The following LIG1 variants were observed in gnomAD, a reference collection of about 807,000 sequenced individuals.
LIG1 encodes the protein ligase I, DNA, ATP-dependent.
A neutral mutation model predicts 115.7 loss-of-function variants in LIG1; 70 were observed. The ratio of observed to expected loss-of-function variants is 0.60; its 90% CI spans 0.50 to 0.74. The LOEUF is 0.74. LIG1 is among the 30% of genes least tolerant of loss of function. The probability of loss-of-function intolerance (pLI) is 0.00; values close to 1 mark genes in which losing one functional copy is unlikely to be tolerated. For synonymous variants in LIG1, 487 were observed against 495.3 expected, an observed-to-expected ratio of 0.98 and a Z score of 0.22; for missense variants, 1,115 against 1,225.6, an observed-to-expected ratio of 0.91 and a Z score of 1.35.
chr19:48,136,978 C>T (rs1220152048), intron 14 of LIG1, 30 bp downstream of exon 14: 2 of 1,580,468 alleles, frequency 1.3e-6, no homozygotes, highest in Non-Finnish European at 1.7e-6. Flanking sequence ...TGCAGTCCCC[C>T]TCTGTAGCCT....
intron 5 of LIG1, among the ~76,000 whole-genome samples, chr19:48,155,928 C>A (rs2035802041): frequency 6.6e-6 from 1 of 152,186 alleles, no homozygotes; most frequent in Non-Finnish European, 1.5e-5. Context: ...CTGAAAGGAT[C>A]TAACATGAAA....
intron 21 of LIG1, among the ~76,000 whole-genome samples, chr19:48,126,238 C>T (rs557118191): frequency 1.3e-5 from 2 of 152,240 alleles, no homozygotes; most frequent in African/African-American, 2.4e-5. Context: ...GGCATGTGGC[C>T]TGGCTCCAGA....
At chr19:48,145,164 C>A (rs1172762293) in intron 9 of LIG1, among the ~76,000 whole-genome samples, 1 of 152,118 alleles carries the variant, frequency 6.6e-6, no homozygotes, top group East Asian at 1.9e-4. Context: ...CTCCCAAAGT[C>A]CTGGGATTAT....
chr19:48,131,625 A>T (rs1448515983), intron 18 of LIG1, among the ~76,000 whole-genome samples: 2 of 151,630 alleles, frequency 1.3e-5, no homozygotes, highest in Non-Finnish European at 2.9e-5. Flanking sequence ...CACCTGGCTA[A>T]TTTTTGTATT....
chr19:48,115,755 G>T, intron 27 of LIG1, 23 bp from the exon 28 acceptor site: 1 of 1,605,340 alleles, frequency 6.2e-7, no homozygotes, highest in Non-Finnish European at 8.5e-7. Context: ...GGTGGGACGG[G>T]GTGGTCAGAA....
chr19:48,149,764 C>T lies in LIG1; in HGVS notation c.775G>A (p.Gly259Arg), dbSNP rs377631588. 9.3e-6 allele frequency: 15 copies of T among 1,613,354 alleles called. No individual in the cohort carries two copies. The highest frequency in any genetic ancestry group is 1.2e-5 in the Non-Finnish European group (14 of 1,179,380). ...TTCCAGACCTGGACACTGACTCACC[C>T]CTCAGCAGCTCCCTCCTTTCCTGGA... ...GAPGKEGAAE[G>R]PLDPSGYNPA... Residue 259 changes from glycine to arginine, a missense_variant and splice_region_variant, in exon 9 of 28, where the codon GGA becomes AGA. By Grantham distance (125) the Gly-to-Arg change is moderately radical (BLOSUM62 -2). Coordinates refer to ENST00000263274, the MANE Select transcript of LIG1 (RefSeq NM_000234.3).
In LIG1 at chr19:48,122,359, G is replaced by A. The variant is rs1232605887; in HGVS notation, c.2232+575C>T. 2.4e-5 allele frequency: 4 copies of A among 163,990 alleles called. No homozygotes were observed. The highest frequency in any genetic ancestry group is 5.4e-5 in the Non-Finnish European group (4 of 74,516). The allele number at this position is 163,990 out of a possible 1,614,324, so 10.2% of individuals were successfully genotyped here. A position where few individuals can be genotyped will look rare whatever the true frequency, so the allele number is the denominator to read the frequency against. On this transcript the variant is annotated intron_variant, in intron 23 of 27. Transcript: ENST00000263274. This position sits in a 1 kb window ranked among gnomAD's most constrained non-coding sequence, Gnocchi z 4.3. ...GAAGATCCAGTTTTATCTCACAGTG[G>A]CCCCAGGTGCTGCCTCATCTGGGGC...
rs571477912 is a variant in LIG1, at chr19:48,157,351, T to C, written c.244-211A>G. Among the ~76,000 whole-genome samples, 3 of 152,154 alleles carry C rather than the reference T, an allele frequency of 2.0e-5. No individual in the cohort carries two copies. The South Asian group carries it at 6.2e-4, about 32-fold the overall frequency. ...TGGTCCCATCAAGGACCCCCATAGC[T>C]CTTCTGTTTTCTACAGTAACAGAAT... On this transcript the variant is annotated intron_variant, in intron 4 of 27. Coordinates refer to ENST00000263274, the MANE Select transcript of LIG1 (RefSeq NM_000234.3).
chr19:48,139,948 C>A (rs1461076692), intron 12 of LIG1, 23 bp downstream of exon 12: 1 of 1,613,480 alleles, frequency 6.2e-7, no homozygotes, highest in African/African-American at 1.3e-5. Context: ...CCTTCTGGTC[C>A]CTCCAACCAC....
In LIG1 at chr19:48,143,525, G is replaced by A; in HGVS notation, c.914+18C>T. 2 of 1,480,266 alleles carry A rather than the reference G, an allele frequency of 1.4e-6. No individual in the cohort carries two copies. Among genetic ancestry groups the A allele is most frequent in the Non-Finnish European group, 1.9e-6 (2 of 1,073,802 alleles). The allele number at this position is 1,480,266 out of a possible 1,614,324, so 91.7% of individuals were successfully genotyped here. ...AGAAGCGACCCCGCCCCCCACCCAG[G>A]CAGTCCTCATTAGTTACCGAGCAGA... is the stretch of plus-strand genomic sequence containing the variant. On this transcript the variant is annotated intron_variant, in intron 11 of 27. Transcript: ENST00000263274.
At chr19:48,148,192 G>A (rs1431598322) in intron 9 of LIG1, among the ~76,000 whole-genome samples, 2 of 152,070 alleles carry the variant, frequency 1.3e-5, no homozygotes, top group African/African-American at 2.4e-5. Context: ...GCAGGGAGGA[G>A]GCTGGGTGTG....
intron 1 of LIG1, 159 bp downstream of exon 1, chr19:48,170,082 G>T (rs548011446): frequency 2.5e-6 from 1 of 402,930 alleles, no homozygotes; most frequent in African/African-American, 2.1e-5. Context: ...CCGGCGGCCC[G>T]CAGCCCGCGC....
chr19:48,141,339 T>G (rs1218522792), intron 11 of LIG1, among the ~76,000 whole-genome samples: 1 of 151,954 alleles, frequency 6.6e-6, no homozygotes, highest in Non-Finnish European at 1.5e-5. Context: ...AACGTGTTGG[T>G]CAGGCTGGTC....
chr19:48,116,941 A>G (rs929822468), intron 26 of LIG1, among the ~76,000 whole-genome samples: 3 of 152,300 alleles, frequency 2.0e-5, no homozygotes, highest in South Asian at 2.1e-4. Context: ...GTTTGTGACC[A>G]GCCTAGTCAA....
chr19:48,131,213 C>T (rs758148677), intron 18 of LIG1, 42 bp from the exon 19 acceptor site: 1 of 1,456,176 alleles, frequency 6.9e-7, no homozygotes, highest in South Asian at 1.1e-5. Context: ...GCTGAGTCCC[C>T]TCATGTGGCC....
At chr19:48,130,055 G>A (rs527621235) in intron 19 of LIG1, among the ~76,000 whole-genome samples, 11 of 152,242 alleles carry the variant, frequency 7.2e-5, no homozygotes, top group East Asian at 1.9e-4. Context: ...TGCGCCCAGC[G>A]GAAATATGTT....
At chr19:48,117,969 A>C in intron 25 of LIG1, 188 bp from the exon 26 acceptor site, 1 of 634,076 alleles carries the variant, frequency 1.6e-6, no homozygotes, top group East Asian at 2.8e-5. Flanking sequence ...TAGAAAGAGA[A>C]ACAGAAAGTG....
At chr19:48,155,807 T>A (rs2035795208) in intron 5 of LIG1, among the ~76,000 whole-genome samples, 1 of 152,202 alleles carries the variant, frequency 6.6e-6, no homozygotes, top group Non-Finnish European at 1.5e-5. Context: ...TCTGTGTAGG[T>A]TTCATAAAAT....
At chr19:48,133,669 CA>C (rs2034188993) in intron 17 of LIG1, among the ~76,000 whole-genome samples, 1 of 152,174 alleles carries the variant, frequency 6.6e-6, no homozygotes, top group Middle Eastern at 3.2e-3. Flanking sequence ...GATGACGGCT[CA>C]CTGCAGCCTT....
Sources: allele counts gnomAD v4.1 joint callset (sites outside exome capture counted in the v4.1 genomes callset), GRCh38; gene constraint gnomAD v4.1.1; non-coding constraint Gnocchi (gnomAD v3.1); transcripts MANE v1.5; gene names NCBI Gene and HGNC (gene_info 2026-07-23, HGNC 2026-07-21).